Variants in RAPGEF2 observed in about 807,000 individuals in gnomAD.
RAPGEF2 encodes Rap guanine nucleotide exchange factor 2.
Under a neutral mutation model 186.7 loss-of-function variants are expected in RAPGEF2, and 54 were observed. That is an observed-to-expected ratio of 0.29 (90% CI 0.23 to 0.36). The LOEUF (loss-of-function observed/expected upper bound fraction) is 0.36. RAPGEF2 is among the 10% of genes least tolerant of loss of function. The pLI is 1.00. For missense variants in RAPGEF2, 1,532 were observed against 2,045.0 expected, an observed-to-expected ratio of 0.75 and a Z score of 4.84; for synonymous variants, 712 against 705.9, an observed-to-expected ratio of 1.01 and a Z score of -0.14.
chr4:159,293,363 T>C (rs1412851197), intron 7 of RAPGEF2, among the ~76,000 whole-genome samples: 3 of 152,220 alleles, frequency 2.0e-5, no homozygotes, highest in Non-Finnish European at 4.4e-5. Context: ...CACCCACTAG[T>C]TGTAAGATGC....
At chr4:159,196,897 A>C (rs1260110083) in intron 3 of RAPGEF2, among the ~76,000 whole-genome samples, 1 of 152,236 alleles carries the variant, frequency 6.6e-6, no homozygotes, top group Non-Finnish European at 1.5e-5. Context: ...GATTCTGATA[A>C]GATTGCATTT....
intron 4 of RAPGEF2, among the ~76,000 whole-genome samples, chr4:159,211,719 G>A (rs1348002579): frequency 6.6e-6 from 1 of 152,218 alleles, no homozygotes; most frequent in Admixed American, 6.5e-5. Context: ...CCAGAGGCAC[G>A]TTGCATTTAA....
intron 1 of RAPGEF2, among the ~76,000 whole-genome samples, chr4:159,114,750 T>A (rs938025838): frequency 2.0e-4 from 31 of 152,194 alleles, no homozygotes; most frequent in African/African-American, 7.5e-4. Context: ...TCAATCCCAA[T>A]GAAATTTAAA....
chr4:159,278,568 ATAGT>A (rs554354296), intron 7 of RAPGEF2, among the ~76,000 whole-genome samples: 88 of 152,336 alleles, frequency 5.8e-4, no homozygotes, highest in Non-Finnish European at 1.1e-3. Flanking sequence ...AAGTTAGGAA[ATAGT>A]TAGTACATGT....
chr4:159,194,455 T>G (rs1047769152), intron 3 of RAPGEF2, among the ~76,000 whole-genome samples: 1 of 152,164 alleles, frequency 6.6e-6, no homozygotes, highest in Non-Finnish European at 1.5e-5. Flanking sequence ...CCCCAAATAC[T>G]CATTGTCCAA....
At chr4:159,330,614 G>T in intron 13 of RAPGEF2, 116 bp downstream of exon 13, 4 of 686,862 alleles carry the variant, frequency 5.8e-6, no homozygotes, top group Non-Finnish European at 6.9e-6. Flanking sequence ...ATAGGAGAAT[G>T]TAATTCTGAA....
intron 1 of RAPGEF2, among the ~76,000 whole-genome samples, chr4:159,128,408 ACTT>A (rs1740618499): frequency 6.6e-6 from 1 of 152,150 alleles, no homozygotes; most frequent in South Asian, 2.1e-4. Flanking sequence ...ATGAGAAAGT[ACTT>A]CGCAATGGAA....
At chr4:159,252,308 C>T (rs1047074962) in intron 7 of RAPGEF2, among the ~76,000 whole-genome samples, 1 of 152,116 alleles carries the variant, frequency 6.6e-6, no homozygotes, top group South Asian at 2.1e-4. Flanking sequence ...CCTTGGCCTC[C>T]CAAAGTACTG....
intron 4 of RAPGEF2, among the ~76,000 whole-genome samples, chr4:159,224,907 G>GA (rs1403186434): frequency 6.6e-6 from 1 of 152,032 alleles, no homozygotes; most frequent in Non-Finnish European, 1.5e-5. Flanking sequence ...GACAAGGGAA[G>GA]AAAAAAAGTA....
intron 4 of RAPGEF2, among the ~76,000 whole-genome samples, chr4:159,235,490 C>CT (rs1229647479): frequency 6.6e-6 from 1 of 152,160 alleles, no homozygotes; most frequent in African/African-American, 2.4e-5. Context: ...TATAAAATGT[C>CT]TTGTACTTTG....
At chr4:159,233,286 G>C (rs1269357264) in intron 4 of RAPGEF2, among the ~76,000 whole-genome samples, 1 of 152,036 alleles carries the variant, frequency 6.6e-6, no homozygotes, top group Non-Finnish European at 1.5e-5. Flanking sequence ...TTTACTTTTG[G>C]CTCTTACATT....
chr4:159,352,698 T>A lies in RAPGEF2; in HGVS notation c.3879T>A (p.Ala1293=). The change falls in exon 27 of 30, where the codon GCT becomes GCA. Residue 1293 remains alanine (A), a synonymous_variant. Transcript: ENST00000691494. The part of the protein sequence containing the change: ...QSSPRKGYTL[A]PSGTVDNFSD... ...TTTCTCATGCAGGCTATACTTTGGCTCCCAGTGGTACTGTGGATAATTTTT... is the reference window on the plus strand; with the variant it reads ...TTTCTCATGCAGGCTATACTTTGGCACCCAGTGGTACTGTGGATAATTTTT... 1 of 1,613,714 alleles carries A rather than the reference T, an allele frequency of 6.2e-7. No individual in the cohort carries two copies. Among genetic ancestry groups the A allele is most frequent in the Non-Finnish European group, 8.5e-7 (1 of 1,179,556 alleles).
intron 16 of RAPGEF2, 27 bp downstream of exon 16, chr4:159,332,061 T>C (rs1766753497): frequency 1.4e-6 from 2 of 1,474,812 alleles, no homozygotes; most frequent in African/African-American, 2.8e-5. Context: ...CTTTTCATTT[T>C]TCTCCTTTTG....
intron 19 of RAPGEF2, among the ~76,000 whole-genome samples, chr4:159,340,556 A>T (rs1210992542): frequency 1.3e-5 from 2 of 152,138 alleles, no homozygotes; most frequent in African/African-American, 4.8e-5. Flanking sequence ...CACAAAAAAA[A>T]TTTTAGTAGG....
At chr4:159,107,372 A>G (rs1384906106) in intron 1 of RAPGEF2, among the ~76,000 whole-genome samples, 1 of 152,214 alleles carries the variant, frequency 6.6e-6, no homozygotes, top group Non-Finnish European at 1.5e-5. Flanking sequence ...AGGCTTATAC[A>G]ATAAAATGGT....
chr4:159,332,056 C>A, intron 16 of RAPGEF2, 22 bp downstream of exon 16: 1 of 1,479,480 alleles, frequency 6.8e-7, no homozygotes, highest in South Asian at 1.2e-5. Flanking sequence ...GCATACTTTT[C>A]ATTTTTCTCC....
intron 1 of RAPGEF2, among the ~76,000 whole-genome samples, chr4:159,124,107 C>T (rs1235123146): frequency 1.3e-5 from 2 of 151,212 alleles, no homozygotes; most frequent in African/African-American, 4.9e-5. Context: ...TGCCTGCCTC[C>T]ATCTCCCAAA....
At chr4:159,224,855 T>G (rs1332893216) in intron 4 of RAPGEF2, among the ~76,000 whole-genome samples, 1 of 152,078 alleles carries the variant, frequency 6.6e-6, no homozygotes, top group Non-Finnish European at 1.5e-5. Flanking sequence ...TGGAGCATAA[T>G]TTAAAAGGGC....
intron 7 of RAPGEF2, among the ~76,000 whole-genome samples, chr4:159,244,289 T>C (rs1351104313): frequency 2.0e-5 from 3 of 151,864 alleles, no homozygotes; most frequent in African/African-American, 7.2e-5. Context: ...TTTTAAAAGG[T>C]TGGTCAAAAA....
Sources: gnomAD v4.1 joint callset for allele counts (sites outside exome capture counted in the v4.1 genomes callset) on GRCh38, gnomAD v4.1.1 for gene constraint, MANE v1.5 for transcripts, NCBI Gene and HGNC (gene_info 2026-07-23, HGNC 2026-07-21) for gene names.